The following CACNA2D3 variants were observed in gnomAD, a reference collection of about 807,000 sequenced individuals.
CACNA2D3 encodes calcium voltage-gated channel auxiliary subunit alpha2delta 3, also known as voltage-dependent calcium channel subunit alpha-2/delta-3.
A neutral mutation model predicts 160.6 loss-of-function variants in CACNA2D3; 60 were observed. The observed-to-expected ratio is 0.37, with a 90% CI of 0.30 to 0.46. The LOEUF (loss-of-function observed/expected upper bound fraction) is 0.46. CACNA2D3 is among the 20% of genes least tolerant of loss of function. CACNA2D3 has a pLI of 1.00. For synonymous variants in CACNA2D3, 558 were observed against 492.9 expected (o/e 1.13, Z -1.75); for missense variants, 1,205 against 1,365.0 (o/e 0.88, Z 1.85).
intron 4 of CACNA2D3, among the ~76,000 whole-genome samples, chr3:54,449,746 T>C (rs1347438367): frequency 6.6e-6 from 1 of 152,190 alleles, no homozygotes; most frequent in African/African-American, 2.4e-5. Context: ...CCCTTTTGCC[T>C]TCCACCATGA....
intron 3 of CACNA2D3, among the ~76,000 whole-genome samples, chr3:54,357,418 A>C (rs1575413227): frequency 6.6e-6 from 1 of 152,234 alleles, no homozygotes; most frequent in Non-Finnish European, 1.5e-5. Flanking sequence ...AGTGCTCGAC[A>C]TCAATTGCTG....
At chr3:54,796,429 T>A (rs898608519) in intron 13 of CACNA2D3, among the ~76,000 whole-genome samples, 4 of 152,158 alleles carry the variant, frequency 2.6e-5, no homozygotes, top group Non-Finnish European at 5.9e-5. Context: ...GTCTTGACTT[T>A]GAGAAGTGCT....
chr3:54,300,658 A>G (rs1244001623), intron 2 of CACNA2D3, among the ~76,000 whole-genome samples: 2 of 152,212 alleles, frequency 1.3e-5, no homozygotes, highest in African/African-American at 4.8e-5. Flanking sequence ...AGTATGACCA[A>G]TAATGTCATT....
chr3:54,905,731 A>G (rs1453438461), intron 27 of CACNA2D3, among the ~76,000 whole-genome samples: 2 of 152,104 alleles, frequency 1.3e-5, no homozygotes, highest in Non-Finnish European at 2.9e-5. Context: ...AATGGTGCTA[A>G]ACATCTTGCA....
intron 35 of CACNA2D3, among the ~76,000 whole-genome samples, chr3:55,026,276 T>C (rs981390134): frequency 2.6e-5 from 4 of 152,182 alleles, no homozygotes; most frequent in African/African-American, 9.7e-5. Context: ...AGGAGGTCTC[T>C]AAGGAATTCA....
At chr3:54,151,115 A>T (rs1252928730) in intron 2 of CACNA2D3, among the ~76,000 whole-genome samples, 2 of 150,554 alleles carry the variant, frequency 1.3e-5, no homozygotes, top group African/African-American at 4.9e-5. Flanking sequence ...GGATGGGTGA[A>T]TGGATGGATG....
chr3:54,957,141 A>T (rs1463597999), intron 27 of CACNA2D3, among the ~76,000 whole-genome samples: 1 of 149,918 alleles, frequency 6.7e-6, no homozygotes, highest in Non-Finnish European at 1.5e-5. Context: ...TATAATTCCT[A>T]TGAATCAAGT....
chr3:54,607,953 A>G (rs1575378433), intron 9 of CACNA2D3, among the ~76,000 whole-genome samples: 1 of 152,358 alleles, frequency 6.6e-6, no homozygotes, highest in East Asian at 1.9e-4. Context: ...GACATTCTCA[A>G]AATAAAATTA....
chr3:54,284,627 T>A (rs903950773), intron 2 of CACNA2D3, among the ~76,000 whole-genome samples: 2 of 152,206 alleles, frequency 1.3e-5, no homozygotes, highest in African/African-American at 4.8e-5. Context: ...TCTGTCTTGA[T>A]GAACAGTGTG....
At chr3:54,626,929 C>T (rs549532299) in intron 9 of CACNA2D3, among the ~76,000 whole-genome samples, 1 of 152,254 alleles carries the variant, frequency 6.6e-6, no homozygotes, top group East Asian at 1.9e-4. Context: ...CTTTAGTCCC[C>T]TTTAATCTCT....
At chr3:54,572,542 G>C (rs572658281) in intron 8 of CACNA2D3, among the ~76,000 whole-genome samples, 1 of 152,322 alleles carries the variant, frequency 6.6e-6, no homozygotes, top group African/African-American at 2.4e-5. Context: ...CACGGTGAAG[G>C]CTCAGACATT....
At chr3:54,615,237 G>A (rs1312331457) in intron 9 of CACNA2D3, among the ~76,000 whole-genome samples, 1 of 152,132 alleles carries the variant, frequency 6.6e-6, no homozygotes, top group Admixed American at 6.6e-5. Flanking sequence ...TACCATCATC[G>A]CAAGGAGACT....
intron 2 of CACNA2D3, among the ~76,000 whole-genome samples, chr3:54,188,343 A>T (rs1453701862): frequency 6.6e-6 from 1 of 152,242 alleles, no homozygotes; most frequent in Non-Finnish European, 1.5e-5. Context: ...AGCTGTAATG[A>T]TTCAGCACCA....
At chr3:55,059,116 C>T (rs1704438232) in intron 35 of CACNA2D3, among the ~76,000 whole-genome samples, 1 of 152,192 alleles carries the variant, frequency 6.6e-6, no homozygotes, top group African/African-American at 2.4e-5. Flanking sequence ...TGTTTAACTT[C>T]CCAGTGAATT....
intron 4 of CACNA2D3, among the ~76,000 whole-genome samples, chr3:54,484,397 T>C (rs959222448): frequency 1.3e-5 from 2 of 152,306 alleles, no homozygotes; most frequent in African/African-American, 4.8e-5. Context: ...CACCTTTTTT[T>C]TCCTTTTAAT....
chr3:54,712,702 A>G (rs905906682), intron 11 of CACNA2D3, among the ~76,000 whole-genome samples: 1 of 152,174 alleles, frequency 6.6e-6, no homozygotes, highest in Non-Finnish European at 1.5e-5. Flanking sequence ...TACAAAGAGA[A>G]TGTGTTTTCT....
chr3:54,449,327 T>C (rs544772814), intron 4 of CACNA2D3, among the ~76,000 whole-genome samples: 1 of 152,374 alleles, frequency 6.6e-6, no homozygotes, highest in South Asian at 2.1e-4. Flanking sequence ...TATCTCTATG[T>C]GTAGCTGAAT....
chr3:54,131,061 C>T (rs1001886198), intron 2 of CACNA2D3, among the ~76,000 whole-genome samples: 2 of 152,238 alleles, frequency 1.3e-5, no homozygotes, highest in African/African-American at 4.8e-5. Flanking sequence ...CACATTGGCT[C>T]CTGCCAGTGA....
chr3:54,619,557 C>T (rs1162129835), intron 9 of CACNA2D3, among the ~76,000 whole-genome samples: 1 of 152,216 alleles, frequency 6.6e-6, no homozygotes, highest in Admixed American at 6.5e-5. Flanking sequence ...CAATTTGTTA[C>T]ACACACGTAA....
Sources: allele counts gnomAD v4.1 joint callset (sites outside exome capture counted in the v4.1 genomes callset), GRCh38; gene constraint gnomAD v4.1.1; transcripts MANE v1.5; gene names NCBI Gene and HGNC (gene_info 2026-07-23, HGNC 2026-07-21).